TWF1: variants seen among roughly 807,000 people sequenced by gnomAD.
TWF1 encodes the protein twinfilin actin binding protein 1.
TWF1 carries 14 observed loss-of-function variants against 47.9 expected under a neutral mutation model. The ratio of observed to expected loss-of-function variants is 0.29; its 90% CI spans 0.19 to 0.46. The LOEUF (loss-of-function observed/expected upper bound fraction) is 0.46. Ranked by LOEUF, TWF1 falls within the 20% of genes least tolerant of loss-of-function variation. TWF1 has a pLI of 1.00. For missense variants in TWF1, 281 were observed against 409.3 expected (o/e 0.69, Z 2.70); for synonymous variants, 96 against 139.2 (o/e 0.69, Z 2.18).
Position 43,797,463 on chromosome 12 carries a change from G to C in TWF1, c.610-11C>G, listed in dbSNP as rs977879101. The C allele has an allele frequency of 1.9e-6, 3 of 1,558,750 alleles. No homozygotes were observed. Among genetic ancestry groups the C allele is most frequent in the Non-Finnish European group, 1.7e-6 (2 of 1,146,924 alleles). On this transcript the variant is annotated splice_polypyrimidine_tract_variant and intron_variant, in intron 6 of 8. Coordinates refer to ENST00000395510, the MANE Select transcript of TWF1 (RefSeq NM_002822.5). Reference sequence around the variant, plus strand: ...TTTTATATCTATTTCCTGCCAATAAGAAACAAAATATGTTCATTAAAACCA... The same window carrying C: ...TTTTATATCTATTTCCTGCCAATAACAAACAAAATATGTTCATTAAAACCA...
intron 2 of TWF1, among the ~76,000 whole-genome samples, 173 bp from the exon 3 acceptor site, chr12:43,802,637 T>C (rs537186160): frequency 6.6e-6 from 1 of 152,324 alleles, no homozygotes; most frequent in Non-Finnish European, 1.5e-5. Context: ...TAGAGTATTA[T>C]AAAAACTGTT....
At position 43,799,402 on chromosome 12, in the gene TWF1, T is replaced by C. The variant is rs745929613; in HGVS notation, c.479A>G (p.Asn160Ser). The change falls in exon 5 of 9, where the codon AAT becomes AGT. Residue 160 changes from asparagine (N) to serine (S), a missense_variant. Physicochemically the swap from Asn to Ser is conservative, Grantham distance 46. Coordinates refer to ENST00000395510, the MANE Select transcript of TWF1 (RefSeq NM_002822.5). ...GACTTTGTAGTTGTAACTTACCTCA[T>C]TGATTTTAATCTGTCGTAGTTCTTC... Reference protein sequence around the residue: ...AEEELRQIKINEVQTDVGVDT... With the variant: ...AEEELRQIKISEVQTDVGVDT... 3.8e-6 allele frequency: 6 copies of C among 1,599,448 alleles called. No homozygotes were observed. Among genetic ancestry groups the C allele is most frequent in the South Asian group, 3.4e-5 (3 of 89,532 alleles).
chr12:43,801,799 G>A (rs1056764092), intron 3 of TWF1, among the ~76,000 whole-genome samples: 1 of 152,198 alleles, frequency 6.6e-6, no homozygotes, highest in African/African-American at 2.4e-5. Context: ...GGAGGCCGAG[G>A]TGGGTGGATC....
rs1942507443 is a variant in TWF1, at chr12:43,793,972, T to C, written c.*1613A>G. On this transcript the variant is annotated 3_prime_UTR_variant, in exon 9 of 9. Coordinates refer to ENST00000395510, the MANE Select transcript of TWF1 (RefSeq NM_002822.5). ...ATAATCACATCTATATTCTGGAATG[T>C]CCATTTACTTTAATGTAGTGTAGTG... 1 of 152,652 alleles carries C rather than the reference T, an allele frequency of 6.6e-6. No individual in the cohort carries two copies. Among genetic ancestry groups the C allele is most frequent in the African/African-American group, 2.4e-5 (1 of 41,456 alleles). 9.5% of individuals were successfully genotyped at this position (152,652 alleles called of 1,614,324 possible).
In TWF1 at chr12:43,798,503, G is replaced by A. The variant is rs1198171050; in HGVS notation, c.484-670C>T. ...TTTTACTTTTAAAAAAATGAATGGAGATTCTACAGCATAAATGATATTGGT... is the reference window on the plus strand; with the variant it reads ...TTTTACTTTTAAAAAAATGAATGGAAATTCTACAGCATAAATGATATTGGT... On this transcript the variant is annotated intron_variant, in intron 5 of 8. Coordinates refer to ENST00000395510, the MANE Select transcript of TWF1 (RefSeq NM_002822.5). 9.8e-6 allele frequency: 14 copies of A among 1,427,638 alleles called. 1 individual carries two copies. The South Asian group carries it at 2.0e-4, about 20-fold the overall frequency. 88.4% of individuals were successfully genotyped at this position (1,427,638 alleles called of 1,614,324 possible).
At chr12:43,805,997 A>T in intron 1 of TWF1, 1 of 1,532,228 alleles carries the variant, frequency 6.5e-7, no homozygotes, top group Non-Finnish European at 8.8e-7. Context: ...CGAATTTCGG[A>T]TCAATCTGCA....
intron 5 of TWF1, chr12:43,798,605 CA>C (rs1592277766): frequency 3.4e-6 from 5 of 1,468,378 alleles, no homozygotes; most frequent in Non-Finnish European, 4.5e-6. Context: ...AGAAATAAAA[CA>C]AACTATCAAA....
chr12:43,804,112 T>C (rs186506001), intron 2 of TWF1: 51 of 323,668 alleles, frequency 1.6e-4, no homozygotes, highest in Admixed American at 5.3e-4. Context: ...ATCCTTTGTT[T>C]ATATTTAAAA....
chr12:43,795,803 C>T, intron 8 of TWF1, 48 bp from the exon 9 acceptor site: 1 of 1,590,842 alleles, frequency 6.3e-7, no homozygotes. Flanking sequence ...CTAATACAAG[C>T]AACAAGCTGG....
At chr12:43,800,087 A>T (rs961395993) in intron 4 of TWF1, among the ~76,000 whole-genome samples, 16 of 152,100 alleles carry the variant, frequency 1.1e-4, no homozygotes, top group African/African-American at 3.9e-4. Context: ...TATCCACTAG[A>T]TTATATGACT....
At chr12:43,796,916 T>G in intron 8 of TWF1, 60 bp downstream of exon 8, 1 of 1,509,608 alleles carries the variant, frequency 6.6e-7, no homozygotes, top group Non-Finnish European at 9.1e-7. Flanking sequence ...CATCATAAAC[T>G]ACATAGAAAT....
chr12:43,805,519 A>G (rs1054504658), intron 1 of TWF1: 2 of 456,182 alleles, frequency 4.4e-6, no homozygotes, highest in Non-Finnish European at 8.8e-6. Flanking sequence ...TGATGAGGTG[A>G]GTACCTGCAG....
chr12:43,805,821 G>T (rs1565703128), intron 1 of TWF1: 1 of 1,377,160 alleles, frequency 7.3e-7, no homozygotes. Flanking sequence ...CCATGAAAAA[G>T]AAAACTCGCC....
chr12:43,797,857 C>T (rs768597831), intron 5 of TWF1, 24 bp from the exon 6 acceptor site: 3 of 1,606,022 alleles, frequency 1.9e-6, no homozygotes, highest in South Asian at 2.2e-5. Context: ...ATTTAATTTA[C>T]AAGTTTAGCA....
In TWF1 at chr12:43,806,145, C is replaced by T. The variant is rs1264321427; in HGVS notation, c.25+76G>A. On this transcript the variant is annotated intron_variant, in intron 1 of 8. Transcript: ENST00000395510. ...AGCTCCCGGCCCGACTCCAGCCCTG[C>T]CGGTCCTGCAGCCCTCCCGGCTCTC... 29 of 1,531,212 alleles carry T rather than the reference C, an allele frequency of 1.9e-5. No individual in the cohort carries two copies. In the East Asian group the frequency reaches 6.9e-4, roughly 36 times the overall value. 94.9% of individuals were successfully genotyped at this position (1,531,212 alleles called of 1,614,324 possible).
rs769588203 is a variant in TWF1, at chr12:43,797,359, G to A, written c.703C>T (p.Arg235Cys). 2.2e-5 allele frequency: 35 copies of A among 1,605,574 alleles called. No homozygotes were observed. In the Admixed American group the frequency reaches 2.9e-4, roughly 13 times the overall value. Residue 235 changes from arginine to cysteine, a missense_variant, in exon 7 of 9, where the codon CGT (arginine) becomes TGT (cysteine). Transcript: ENST00000395510. The stretch of plus-strand genomic sequence containing the variant: ...TGTTTATACAGAAAGAAATGGTAAC[G>A]AGCTGAATCCTTGGGAATCCTCTTT... ...LPKRIPKDSARYHFFLYKHSH... is the reference protein window; with the variant it reads ...LPKRIPKDSACYHFFLYKHSH...
intron 1 of TWF1, chr12:43,805,910 T>A (rs1184842843): frequency 1.3e-6 from 2 of 1,492,650 alleles, no homozygotes; most frequent in South Asian, 2.2e-5. Flanking sequence ...GGGGGAAAGT[T>A]GGGCGACTGT....
chr12:43,798,826 A>G (rs1161406617), intron 5 of TWF1, among the ~76,000 whole-genome samples: 2 of 152,116 alleles, frequency 1.3e-5, no homozygotes, highest in African/African-American at 2.4e-5. Flanking sequence ...GTAAAGTCCC[A>G]GTAGAAATAC....
At chr12:43,801,560 A>T (rs973208183) in intron 3 of TWF1, among the ~76,000 whole-genome samples, 1 of 152,164 alleles carries the variant, frequency 6.6e-6, no homozygotes, top group South Asian at 2.1e-4. Flanking sequence ...CAGCTTTCCT[A>T]AAATACTTGT....
Sources: gnomAD v4.1 joint callset for allele counts (sites outside exome capture counted in the v4.1 genomes callset) on GRCh38, gnomAD v4.1.1 for gene constraint, MANE v1.5 for transcripts, NCBI Gene and HGNC (gene_info 2026-07-23, HGNC 2026-07-21) for gene names.